CNTNAP2: variants seen among roughly 807,000 people sequenced by gnomAD.
CNTNAP2 encodes the protein contactin-associated protein-like 2.
A neutral mutation model predicts 155.2 loss-of-function variants in CNTNAP2; 98 were observed. The ratio of observed to expected loss-of-function variants is 0.63; its 90% confidence interval spans 0.54 to 0.75. CNTNAP2 has a LOEUF of 0.75. CNTNAP2 is among the 30% of genes least tolerant of loss of function. The pLI is 0.00. For synonymous variants in CNTNAP2, 651 were observed against 631.2 expected (o/e 1.03, Z -0.47); for missense variants, 1,727 against 1,688.1 (o/e 1.02, Z -0.40).
intron 15 of CNTNAP2, among the ~76,000 whole-genome samples, chr7:148,023,534 G>A (rs569563364): frequency 1.3e-5 from 2 of 152,284 alleles, no homozygotes; most frequent in South Asian, 4.1e-4. Context: ...CAATAGCCCT[G>A]TAGGTGACAA....
intron 13 of CNTNAP2, among the ~76,000 whole-genome samples, chr7:147,809,495 C>A (rs903087722): frequency 6.6e-6 from 1 of 152,170 alleles, no homozygotes; most frequent in African/African-American, 2.4e-5. Flanking sequence ...TGAAACTCAT[C>A]CCCCATGAGT....
intron 12 of CNTNAP2, among the ~76,000 whole-genome samples, chr7:147,574,221 A>G (rs1052858180): frequency 6.6e-6 from 1 of 152,046 alleles, no homozygotes; most frequent in Admixed American, 6.6e-5. Flanking sequence ...TTTGTATCCC[A>G]AGGATAATAA....
intron 14 of CNTNAP2, among the ~76,000 whole-genome samples, chr7:147,960,011 A>C (rs368066939): frequency 8.5e-5 from 13 of 152,222 alleles, no homozygotes; most frequent in East Asian, 1.9e-4. Context: ...AAGCCTCAGC[A>C]CCTCGACTCT....
At chr7:148,318,840 G>A (rs189043819) in intron 21 of CNTNAP2, among the ~76,000 whole-genome samples, 3 of 152,276 alleles carry the variant, frequency 2.0e-5, no homozygotes, top group Admixed American at 1.3e-4. Flanking sequence ...GAGGAACACC[G>A]CTCTCTTTCT....
intron 3 of CNTNAP2, among the ~76,000 whole-genome samples, chr7:146,993,799 T>G (rs1798254218): frequency 1.3e-5 from 2 of 152,180 alleles, no homozygotes. Context: ...TACATATGAC[T>G]ATTTTGTCAT....
At chr7:146,753,988 A>T (rs1425559428) in intron 1 of CNTNAP2, among the ~76,000 whole-genome samples, 2 of 152,038 alleles carry the variant, frequency 1.3e-5, no homozygotes, top group East Asian at 3.9e-4. Context: ...TCTATTTTTT[A>T]TTCTTTTGTG....
At chr7:148,254,255 G>A (rs1585219504) in intron 20 of CNTNAP2, among the ~76,000 whole-genome samples, 1 of 152,118 alleles carries the variant, frequency 6.6e-6, no homozygotes, top group East Asian at 1.9e-4. Context: ...AGTTATCCTG[G>A]TCGTAGTTTC....
At chr7:147,614,495 T>A (rs558272658) in intron 12 of CNTNAP2, among the ~76,000 whole-genome samples, 1 of 151,988 alleles carries the variant, frequency 6.6e-6, no homozygotes, top group African/African-American at 2.4e-5. Flanking sequence ...GAAATATAAT[T>A]GATTTTTGTA....
intron 1 of CNTNAP2, among the ~76,000 whole-genome samples, chr7:146,433,276 A>G (rs928976809): frequency 3.3e-5 from 5 of 152,130 alleles, no homozygotes; most frequent in Non-Finnish European, 7.4e-5. Flanking sequence ...CGTAAAAGCT[A>G]TCTGTTGGTC....
intron 1 of CNTNAP2, among the ~76,000 whole-genome samples, chr7:146,181,112 C>G (rs995758819): frequency 1.3e-5 from 2 of 152,126 alleles, no homozygotes; most frequent in Non-Finnish European, 2.9e-5. Context: ...AATGCATATG[C>G]TTCTGCAAAA....
At chr7:147,626,060 C>T (rs1328327693) in intron 12 of CNTNAP2, among the ~76,000 whole-genome samples, 1 of 152,058 alleles carries the variant, frequency 6.6e-6, no homozygotes, top group African/African-American at 2.4e-5. Context: ...CTTATAGGGG[C>T]CCTTGGGGAA....
intron 14 of CNTNAP2, among the ~76,000 whole-genome samples, chr7:147,963,754 G>T (rs1801154160): frequency 6.6e-6 from 1 of 152,070 alleles, no homozygotes; most frequent in African/African-American, 2.4e-5. Context: ...TCCTTCTCGA[G>T]CTATAACTTT....
chr7:147,440,212 T>A (rs973557253), intron 10 of CNTNAP2, among the ~76,000 whole-genome samples: 20 of 152,196 alleles, frequency 1.3e-4, no homozygotes, highest in Middle Eastern at 3.4e-3. Flanking sequence ...TTCTTGTTTT[T>A]TATTTTCTGT....
intron 1 of CNTNAP2, among the ~76,000 whole-genome samples, chr7:146,584,201 C>A (rs759194927): frequency 3.9e-5 from 6 of 152,090 alleles, no homozygotes; most frequent in Non-Finnish European, 7.4e-5. Context: ...GGAAAACAAA[C>A]AAACAAACAA....
intron 1 of CNTNAP2, among the ~76,000 whole-genome samples, chr7:146,499,983 T>C (rs936449940): frequency 6.6e-6 from 1 of 152,200 alleles, no homozygotes; most frequent in Non-Finnish European, 1.5e-5. Context: ...TTTTATATCA[T>C]TGTAAGTAAA....
At chr7:148,362,574 C>A (rs1441491540) in intron 21 of CNTNAP2, among the ~76,000 whole-genome samples, 3 of 152,176 alleles carry the variant, frequency 2.0e-5, no homozygotes, top group Admixed American at 6.5e-5. Context: ...TATTAAAGGG[C>A]ATAGTGCTAG....
chr7:147,870,657 C>T (rs62481197), intron 13 of CNTNAP2, among the ~76,000 whole-genome samples: 28,794 of 152,112 alleles, frequency 0.19, 3,165 homozygotes, highest in Middle Eastern at 0.31. Context: ...CTTTATATGC[C>T]GCAATTCATA....
At chr7:146,598,842 A>T (rs904706666) in intron 1 of CNTNAP2, among the ~76,000 whole-genome samples, 4 of 151,888 alleles carry the variant, frequency 2.6e-5, no homozygotes, top group Non-Finnish European at 4.4e-5. Flanking sequence ...TGTTTCCCAA[A>T]CTCCACATTT....
At chr7:147,760,935 C>G (rs999675992) in intron 13 of CNTNAP2, among the ~76,000 whole-genome samples, 2 of 152,132 alleles carry the variant, frequency 1.3e-5, no homozygotes, top group African/African-American at 4.8e-5. Context: ...GATCTTTGAA[C>G]TGGGCTTTTT....
Sources: gnomAD v4.1 joint callset for allele counts (sites outside exome capture counted in the v4.1 genomes callset) on GRCh38, gnomAD v4.1.1 for gene constraint, MANE v1.5 for transcripts, NCBI Gene and HGNC (gene_info 2026-07-23, HGNC 2026-07-21) for gene names.